EXOC6: variants seen among roughly 807,000 people sequenced by gnomAD.
EXOC6 encodes SEC15-like 1.
EXOC6 carries 60 observed loss-of-function variants against 112.5 expected under a neutral mutation model. The observed-to-expected ratio is 0.53, with a 90% CI of 0.43 to 0.66. The LOEUF is 0.66. Ranked by LOEUF, EXOC6 falls within the 30% of genes least tolerant of loss-of-function variation. EXOC6 has a pLI of 0.00. For missense variants in EXOC6, 855 were observed against 957.1 expected, an observed-to-expected ratio of 0.89 and a Z score of 1.41; for synonymous variants, 295 against 308.0, an observed-to-expected ratio of 0.96 and a Z score of 0.44.
In EXOC6 at chr10:92,936,407, T is replaced by G. The variant is rs943113933; in HGVS notation, c.1212+522T>G. ...GTATGAAAACACATGATTTGAAAAC[T>G]GTATGTTCATTTTCTTCCTGGTTTC... On this transcript the variant is annotated intron_variant, in intron 12 of 21. Coordinates refer to ENST00000260762, the MANE Select transcript of EXOC6 (RefSeq NM_019053.6). Among the ~76,000 whole-genome samples the G allele has an allele frequency of 1.1e-4, 17 of 152,262 alleles. 1 individual carries two copies. The highest frequency in any genetic ancestry group is 7.3e-5 in the Non-Finnish European group (5 of 68,048).
At chr10:92,833,086 G>A (rs1455533348), upstream of EXOC6, among the ~76,000 whole-genome samples, 1 of 152,228 alleles carries the variant, frequency 6.6e-6, no homozygotes, top group African/African-American at 2.4e-5. Context: ...AGCAAAACTA[G>A]GGCTGAGGGT....
chr10:93,049,875 C>T (rs1846198543), intron 20 of EXOC6, among the ~76,000 whole-genome samples: 1 of 152,136 alleles, frequency 6.6e-6, no homozygotes, highest in South Asian at 2.1e-4. Flanking sequence ...GCCAGAAGAC[C>T]ACATGTTATT....
chr10:92,989,174 C>T (rs776797187), intron 18 of EXOC6, among the ~76,000 whole-genome samples: 31 of 152,174 alleles, frequency 2.0e-4, no homozygotes, highest in Non-Finnish European at 2.5e-4. Context: ...AACACAGTGT[C>T]TTACACAAAG....
intron 1 of EXOC6, among the ~76,000 whole-genome samples, chr10:92,851,673 CAAA>C (rs796095864): frequency 2.1e-5 from 3 of 143,094 alleles, no homozygotes; most frequent in Non-Finnish European, 4.6e-5. Context: ...CAAAAACAAA[CAAA>C]AAAAAAACAA....
At chr10:92,966,144 A>AAAGTTGAT (rs1350674170) in intron 17 of EXOC6, among the ~76,000 whole-genome samples, 1 of 152,128 alleles carries the variant, frequency 6.6e-6, no homozygotes, top group East Asian at 1.9e-4. Context: ...ACTTATCAAC[A>AAAGTTGAT]AAGTTCTAGT....
At chr10:92,890,593 G>T (rs373956739) in intron 1 of EXOC6, among the ~76,000 whole-genome samples, 24 of 152,214 alleles carry the variant, frequency 1.6e-4, no homozygotes, top group African/African-American at 5.8e-4. Context: ...GAATGATATA[G>T]TGATAAACTC....
chr10:92,975,931 C>T (rs1234803978), intron 18 of EXOC6, among the ~76,000 whole-genome samples: 5 of 141,420 alleles, frequency 3.5e-5, no homozygotes, highest in African/African-American at 5.3e-5. Flanking sequence ...GGGGGTCAGC[C>T]CCCCGCCCGG....
upstream of EXOC6, among the ~76,000 whole-genome samples, chr10:92,834,097 A>C (rs967456522): frequency 2.6e-5 from 4 of 152,168 alleles, no homozygotes; most frequent in Non-Finnish European, 5.9e-5. Context: ...AAGAGATAAA[A>C]GAACTAATGG....
At chr10:92,940,985 G>A (rs988678558) in intron 13 of EXOC6, among the ~76,000 whole-genome samples, 161 bp downstream of exon 13, 4 of 151,962 alleles carry the variant, frequency 2.6e-5, no homozygotes, top group Non-Finnish European at 4.4e-5. Context: ...TAGTTCAGTG[G>A]TGTACAGTCA....
At chr10:93,026,778 T>G (rs1845045069) in intron 20 of EXOC6, among the ~76,000 whole-genome samples, 2 of 152,182 alleles carry the variant, frequency 1.3e-5, no homozygotes, top group Non-Finnish European at 2.9e-5. Flanking sequence ...GTGTTCTGAC[T>G]GCTCTACCAA....
intron 20 of EXOC6, 66 bp from the exon 21 acceptor site, chr10:93,056,858 T>C (rs1846566000): frequency 2.3e-6 from 2 of 859,324 alleles, no homozygotes. Context: ...AAGGATAGCA[T>C]ATAATTTAAG....
chr10:92,874,337 C>T (rs960908367), intron 1 of EXOC6, among the ~76,000 whole-genome samples: 11 of 152,132 alleles, frequency 7.2e-5, no homozygotes, highest in African/African-American at 2.7e-4. Context: ...ATGCTGTTTT[C>T]ATCAGGAGTC....
intron 5 of EXOC6, among the ~76,000 whole-genome samples, chr10:92,905,796 G>A (rs771488908): frequency 6.6e-6 from 1 of 152,014 alleles, no homozygotes; most frequent in Non-Finnish European, 1.5e-5. Flanking sequence ...GTGAGCTTGA[G>A]AAAAATATGT....
upstream of EXOC6, chr10:92,834,597 C>G (rs912289374): frequency 1.6e-6 from 1 of 609,160 alleles, no homozygotes; most frequent in Non-Finnish European, 2.8e-6. Flanking sequence ...AGACAGTGAG[C>G]TTGTTTTTGT....
intron 19 of EXOC6, among the ~76,000 whole-genome samples, chr10:93,012,068 T>C (rs1040698017): frequency 6.6e-6 from 1 of 152,190 alleles, no homozygotes; most frequent in Non-Finnish European, 1.5e-5. Flanking sequence ...AAGTGGTGCA[T>C]CTCTGAGTAA....
chr10:92,915,867 CTG>C lies in EXOC6; in HGVS notation c.775_776del (p.Val259IlefsTer6). On this transcript the variant is annotated frameshift_variant, in exon 7 of 22. Transcript: ENST00000260762. LOFTEE classifies it high-confidence loss of function. ...AGAATTCCAGAGGAAAGGAATGAAA[CTG>C]TATTGAAACATTCACTTGAAGAAGA... The C allele has an allele frequency of 1.9e-6, 3 of 1,551,678 alleles. No homozygotes were observed. Among genetic ancestry groups the C allele is most frequent in the Non-Finnish European group, 2.6e-6 (3 of 1,158,692 alleles).
At chr10:92,866,556 G>A (rs1474409928) in intron 1 of EXOC6, among the ~76,000 whole-genome samples, 1 of 151,792 alleles carries the variant, frequency 6.6e-6, no homozygotes, top group Non-Finnish European at 1.5e-5. Context: ...TAAAAATGTT[G>A]GAAATTATTT....
intron 1 of EXOC6, among the ~76,000 whole-genome samples, chr10:92,885,655 G>C (rs1210542477): frequency 6.6e-6 from 1 of 152,108 alleles, no homozygotes; most frequent in Non-Finnish European, 1.5e-5. Flanking sequence ...GGGATTACAG[G>C]CGTGAGCCAC....
At chr10:92,950,096 G>C (rs550162147) in intron 14 of EXOC6, among the ~76,000 whole-genome samples, 3 of 152,144 alleles carry the variant, frequency 2.0e-5, no homozygotes, top group Admixed American at 6.5e-5. Context: ...TGTATTCATT[G>C]GTCTATGTAT....
Sources: gnomAD v4.1 joint callset for allele counts (sites outside exome capture counted in the v4.1 genomes callset) on GRCh38, gnomAD v4.1.1 for gene constraint, MANE v1.5 for transcripts, NCBI Gene and HGNC (gene_info 2026-07-23, HGNC 2026-07-21) for gene names.